The following PALM2AKAP2 variants were observed in gnomAD, a reference collection of about 807,000 sequenced individuals.
PALM2AKAP2 encodes PALM2 and AKAP2 fusion, also known as PALM2-AKAP2 fusion protein.
A neutral mutation model predicts 71.5 loss-of-function variants in PALM2AKAP2; 37 were observed. The ratio of observed to expected loss-of-function variants is 0.52; its 90% CI spans 0.40 to 0.68. PALM2AKAP2 has a LOEUF of 0.68. Ranked by LOEUF, PALM2AKAP2 falls within the 30% of genes least tolerant of loss-of-function variation. The probability of loss-of-function intolerance (pLI) is 0.00; values close to 1 mark genes in which losing one functional copy is unlikely to be tolerated. For synonymous variants in PALM2AKAP2, 468 were observed against 478.8 expected, an observed-to-expected ratio of 0.98 and a Z score of 0.29; for missense variants, 1,224 against 1,191.8, an observed-to-expected ratio of 1.03 and a Z score of -0.40.
chr9:110,049,203 A>G (rs1833661062), intron 1 of PALM2AKAP2, among the ~76,000 whole-genome samples: 1 of 152,120 alleles, frequency 6.6e-6, no homozygotes, highest in African/African-American at 2.4e-5. Flanking sequence ...CTTTTCAGGA[A>G]AAGCAGTGAA....
chr9:110,035,341 TTA>T (rs1448052364), intron 7 of PALM2AKAP2, among the ~76,000 whole-genome samples: 1 of 143,860 alleles, frequency 7.0e-6, no homozygotes, highest in African/African-American at 2.6e-5. Flanking sequence ...ATAATACATA[TTA>T]TATATATTAT....
exon 4 of PALM2AKAP2, chr9:110,172,035 C>G (rs548996541): frequency 6.6e-6 from 1 of 152,534 alleles, no homozygotes. Flanking sequence ...GATCAATGTC[C>G]ACATATATAT....
intron 1 of PALM2AKAP2, among the ~76,000 whole-genome samples, chr9:109,681,299 T>C (rs1827729251): frequency 6.6e-6 from 1 of 152,242 alleles, no homozygotes; most frequent in East Asian, 1.9e-4. Context: ...CATGAATTTC[T>C]GGTAGAATTC....
intron 1 of PALM2AKAP2, among the ~76,000 whole-genome samples, chr9:109,854,108 T>C (rs190702498): frequency 3.3e-5 from 5 of 152,316 alleles, no homozygotes; most frequent in African/African-American, 9.6e-5. Flanking sequence ...TACTAGAAAT[T>C]TGCTGTCCTC....
chr9:109,922,525 C>T (rs1450611493), intron 3 of PALM2AKAP2, among the ~76,000 whole-genome samples: 3 of 148,896 alleles, frequency 2.0e-5, no homozygotes, highest in African/African-American at 7.4e-5. Context: ...GCAAAGCTTC[C>T]AGCACAACAG....
intron 1 of PALM2AKAP2, among the ~76,000 whole-genome samples, chr9:109,828,705 A>G (rs947805511): frequency 1.3e-5 from 2 of 152,254 alleles, no homozygotes; most frequent in African/African-American, 4.8e-5. Context: ...AAAGAAGATG[A>G]GTTCATTGTA....
chr9:110,032,274 A>G (rs1833292280), intron 7 of PALM2AKAP2, among the ~76,000 whole-genome samples: 1 of 152,124 alleles, frequency 6.6e-6, no homozygotes, highest in African/African-American at 2.4e-5. Context: ...AAATCAACTT[A>G]TTGGCCAAGC....
chr9:110,143,239 C>T (rs1418481660), intron 2 of PALM2AKAP2, among the ~76,000 whole-genome samples: 1 of 149,236 alleles, frequency 6.7e-6, no homozygotes, highest in African/African-American at 2.5e-5. Flanking sequence ...CATAGCAAGT[C>T]CCCATCTCTT....
At chr9:109,865,096 C>CTTTTTTTGTTT (rs1829414002) in intron 1 of PALM2AKAP2, among the ~76,000 whole-genome samples, 1 of 75,640 alleles carries the variant, frequency 1.3e-5, no homozygotes, top group African/African-American at 5.5e-5. Context: ...CTACTCATTC[C>CTTTTTTTGTTT]TTTTTTTTTT....
intron 7 of PALM2AKAP2, among the ~76,000 whole-genome samples, chr9:110,027,491 T>G (rs1159139479): frequency 6.6e-6 from 1 of 152,226 alleles, no homozygotes; most frequent in Non-Finnish European, 1.5e-5. Context: ...AGCAGAATTT[T>G]CCTCAGAATG....
chr9:110,007,643 A>G (rs1177300667), intron 6 of PALM2AKAP2, among the ~76,000 whole-genome samples: 2 of 152,200 alleles, frequency 1.3e-5, no homozygotes, highest in East Asian at 3.8e-4. Flanking sequence ...TTTTCTCTTT[A>G]GAACCTAATC....
intron 6 of PALM2AKAP2, among the ~76,000 whole-genome samples, chr9:109,950,027 G>A (rs1831598698): frequency 6.6e-6 from 1 of 152,186 alleles, no homozygotes; most frequent in Non-Finnish European, 1.5e-5. Context: ...GCTTATGCCT[G>A]TAATCCCAGC....
intron 1 of PALM2AKAP2, among the ~76,000 whole-genome samples, chr9:110,116,905 C>T (rs1356795619): frequency 6.6e-6 from 1 of 152,162 alleles, no homozygotes; most frequent in South Asian, 2.1e-4. Context: ...AAAGACCTCA[C>T]TTTTTAATAT....
At chr9:110,125,580 C>T (rs956308343) in intron 1 of PALM2AKAP2, 72 of 985,316 alleles carry the variant, frequency 7.3e-5, no homozygotes, top group Non-Finnish European at 7.2e-5. Flanking sequence ...AGGTTTGAGG[C>T]GCGCGCTCTG....
In PALM2AKAP2 at chr9:109,836,016, G is replaced by T. The variant is rs576067272; in HGVS notation, c.46-31475G>T. On this transcript the variant is annotated intron_variant, in intron 1 of 9. Coordinates refer to the PALM2AKAP2 transcript ENST00000302798. ...CAGACTTAAATGTCCCTGTCTGACA[G>T]CTTTGAAGAGAGTAGTGGTTCTCCC... is the stretch of plus-strand genomic sequence containing the variant. Among the ~76,000 whole-genome samples, 4 of 152,328 alleles carry T rather than the reference G, an allele frequency of 2.6e-5. No homozygotes were observed. In the East Asian group the frequency reaches 7.7e-4, roughly 29 times the overall value.
chr9:109,834,805 G>C (rs1828411305), intron 1 of PALM2AKAP2, among the ~76,000 whole-genome samples: 1 of 152,198 alleles, frequency 6.6e-6, no homozygotes, highest in South Asian at 2.1e-4. Flanking sequence ...CATGGTCTTA[G>C]AGCCACGAGA....
intron 7 of PALM2AKAP2, chr9:110,025,393 GA>G: frequency 1.3e-6 from 1 of 790,342 alleles, no homozygotes; most frequent in South Asian, 1.5e-5. Flanking sequence ...GGTTCCGCCC[GA>G]AAGGCTTTTT....
chr9:109,966,188 G>A (rs1024727342), intron 6 of PALM2AKAP2, among the ~76,000 whole-genome samples: 3 of 152,040 alleles, frequency 2.0e-5, no homozygotes, highest in Admixed American at 6.6e-5. Flanking sequence ...TCAATCTGGG[G>A]CATCGTAGAA....
intron 6 of PALM2AKAP2, chr9:109,946,687 C>CAAAAAAAAAAAA (rs746162235): frequency 1.1e-4 from 4 of 37,818 alleles, no homozygotes; most frequent in Non-Finnish European, 1.6e-4. Context: ...AACTCCATCT[C>CAAAAAAAAAAAA]AAAAAAAAAA....
Sources: gnomAD v4.1 joint callset for allele counts (sites outside exome capture counted in the v4.1 genomes callset) on GRCh38, gnomAD v4.1.1 for gene constraint, MANE v1.5 for transcripts, NCBI Gene and HGNC (gene_info 2026-07-23, HGNC 2026-07-21) for gene names.